The following CBR4 variants were observed in gnomAD, a reference collection of about 807,000 sequenced individuals.
CBR4 encodes 3-oxoacyl-[acyl-carrier-protein] reductase.
Under a neutral mutation model 21.0 loss-of-function variants are expected in CBR4, and 22 were observed. The observed-to-expected ratio is 1.05, with a 90% CI of 0.75 to 1.50. The LOEUF (loss-of-function observed/expected upper bound fraction) is 1.50. Among genes scored for constraint, CBR4 ranks in the 40% most tolerant of loss-of-function variants. CBR4 has a pLI of 0.00. For missense variants in CBR4, 302 were observed against 286.3 expected, an observed-to-expected ratio of 1.05 and a Z score of -0.40; for synonymous variants, 100 against 104.4, an observed-to-expected ratio of 0.96 and a Z score of 0.26.
intron 2 of CBR4, among the ~76,000 whole-genome samples, chr4:168,970,788 G>A (rs534030705): frequency 5.3e-5 from 8 of 152,060 alleles, no homozygotes; most frequent in Non-Finnish European, 8.8e-5. Context: ...AGGTTGCTGC[G>A]AATGCTGTTA....
chr4:168,912,086 T>C (rs1560908665), intron 2 of CBR4, among the ~76,000 whole-genome samples: 1 of 152,120 alleles, frequency 6.6e-6, no homozygotes, highest in Non-Finnish European at 1.5e-5. Context: ...AATCTTGCTA[T>C]GGGATTTTTC....
At chr4:168,994,069 G>C (rs1765059249) in intron 4 of CBR4, among the ~76,000 whole-genome samples, 1 of 152,104 alleles carries the variant, frequency 6.6e-6, no homozygotes, top group African/African-American at 2.4e-5. Flanking sequence ...GGAAATCAGG[G>C]GTCTCACGGC....
downstream of CBR4, among the ~76,000 whole-genome samples, chr4:168,986,928 C>G (rs1261821607): frequency 6.6e-6 from 1 of 152,058 alleles, no homozygotes; most frequent in Admixed American, 6.6e-5. Flanking sequence ...GGCAACACAG[C>G]AAAACCCTAT....
intron 2 of CBR4, among the ~76,000 whole-genome samples, chr4:168,896,976 T>C (rs1284581229): frequency 1.3e-5 from 2 of 151,990 alleles, no homozygotes; most frequent in Non-Finnish European, 2.9e-5. Context: ...GGATTACAAG[T>C]GCATGCCAAC....
At chr4:168,990,445 A>ATTTT in intron 4 of CBR4, 117 bp from the exon 5 acceptor site, 1 of 848,766 alleles carries the variant, frequency 1.2e-6, no homozygotes, top group Non-Finnish European at 1.6e-6. Flanking sequence ...TTAAAAAAAA[A>ATTTT]TTTTTTTTTG....
chr4:168,994,593 T>G lies in CBR4; in HGVS notation c.536-4265A>C, dbSNP rs182870926. ...TCTGTTTTTTCTTTTTTGCTTTTTT[T>G]CTTTTGAGACAGTCTGGCTCTGTCA... On this transcript the variant is annotated intron_variant, in intron 4 of 4. Transcript: ENST00000306193. Among the ~76,000 whole-genome samples the G allele has an allele frequency of 1.5e-3, 234 of 152,236 alleles. 2 individuals are homozygous for G. Among genetic ancestry groups the G allele is most frequent in the Non-Finnish European group, 2.8e-3 (190 of 68,006 alleles).
intron 2 of CBR4, among the ~76,000 whole-genome samples, chr4:168,966,330 G>GA (rs1764026164): frequency 7.8e-6 from 1 of 127,758 alleles, no homozygotes; most frequent in African/African-American, 2.9e-5. Flanking sequence ...TGGCTAACAG[G>GA]TGAAACCCCA....
chr4:168,944,838 T>C (rs1763360291), intron 2 of CBR4, among the ~76,000 whole-genome samples: 1 of 152,048 alleles, frequency 6.6e-6, no homozygotes, highest in South Asian at 2.1e-4. Flanking sequence ...TGTTTCTTAC[T>C]GACTCTCATA....
At chr4:168,966,562 T>G (rs1247891926) in intron 2 of CBR4, among the ~76,000 whole-genome samples, 5 of 150,978 alleles carry the variant, frequency 3.3e-5, no homozygotes, top group Admixed American at 6.6e-5. Context: ...AGGAAACAGA[T>G]GCTGGAGAGG....
intron 4 of CBR4, among the ~76,000 whole-genome samples, chr4:168,998,317 G>A (rs955181200): frequency 6.6e-6 from 1 of 152,014 alleles, no homozygotes; most frequent in African/African-American, 2.4e-5. Context: ...AAAAAGTTCA[G>A]AACAAAACTA....
chr4:168,899,945 G>C (rs901238081), intron 2 of CBR4, among the ~76,000 whole-genome samples: 1 of 151,890 alleles, frequency 6.6e-6, no homozygotes, highest in African/African-American at 2.4e-5. Flanking sequence ...AAGAAAATAG[G>C]CTTTACTGGC....
chr4:168,985,535 T>C (rs144160633), downstream of CBR4, among the ~76,000 whole-genome samples: 4 of 152,206 alleles, frequency 2.6e-5, 1 homozygote, highest in East Asian at 3.8e-4. Context: ...ATCCCATTAC[T>C]GCATATATTC....
intron 2 of CBR4, among the ~76,000 whole-genome samples, chr4:168,960,948 A>G (rs1435980812): frequency 6.6e-6 from 1 of 152,200 alleles, no homozygotes; most frequent in African/African-American, 2.4e-5. Flanking sequence ...TGAACACCAA[A>G]ATCTGAATGA....
At chr4:168,955,453 A>C (rs1165085243) in intron 2 of CBR4, among the ~76,000 whole-genome samples, 1 of 152,204 alleles carries the variant, frequency 6.6e-6, no homozygotes, top group Non-Finnish European at 1.5e-5. Context: ...TTTTGTGATT[A>C]AAAGTAACAG....
chr4:168,913,792 G>T (rs1425216292), intron 2 of CBR4: 15 of 707,008 alleles, frequency 2.1e-5, no homozygotes, highest in Middle Eastern at 3.3e-4. Context: ...TCTGAAAAGG[G>T]TTAGTCATTA....
At chr4:168,956,893 T>C (rs1227991975) in intron 2 of CBR4, among the ~76,000 whole-genome samples, 1 of 152,160 alleles carries the variant, frequency 6.6e-6, no homozygotes, top group South Asian at 2.1e-4. Context: ...TACTGAGATG[T>C]TTCACATCTA....
intron 3 of CBR4, among the ~76,000 whole-genome samples, chr4:169,004,827 A>G (rs1388950482): frequency 6.6e-6 from 1 of 152,206 alleles, no homozygotes; most frequent in African/African-American, 2.4e-5. Flanking sequence ...TGTACTGCCT[A>G]CTGAAGATTC....
chr4:169,005,843 T>G (rs1730869814), intron 3 of CBR4: 2 of 1,272,216 alleles, frequency 1.6e-6, no homozygotes, highest in Non-Finnish European at 2.1e-6. Context: ...AATTCTGGCT[T>G]GAAAAACCAT....
At chr4:168,896,072 T>C (rs1173107095) in intron 2 of CBR4, among the ~76,000 whole-genome samples, 1 of 152,086 alleles carries the variant, frequency 6.6e-6, no homozygotes, top group African/African-American at 2.4e-5. Flanking sequence ...TAGCCGGGTG[T>C]GGTGGCGTGC....
Sources: allele counts gnomAD v4.1 joint callset (sites outside exome capture counted in the v4.1 genomes callset), GRCh38; gene constraint gnomAD v4.1.1; transcripts MANE v1.5; gene names NCBI Gene and HGNC (gene_info 2026-07-23, HGNC 2026-07-21).